TMEM63B: variants seen among roughly 807,000 people sequenced by gnomAD.
The protein encoded by TMEM63B is mechanosensitive cation channel TMEM63B.
TMEM63B carries 23 observed loss-of-function variants against 102.6 expected under a neutral mutation model. The observed-to-expected ratio is 0.22, with a 90% CI of 0.16 to 0.32. The LOEUF (loss-of-function observed/expected upper bound fraction) is 0.32. Ranked by LOEUF, TMEM63B falls within the 10% of genes least tolerant of loss-of-function variation. TMEM63B has a pLI of 1.00. For missense variants in TMEM63B, 628 were observed against 1,095.9 expected, an observed-to-expected ratio of 0.57 and a Z score of 6.03; for synonymous variants, 444 against 437.0, an observed-to-expected ratio of 1.02 and a Z score of -0.20.
intron 20 of TMEM63B, 129 bp from the exon 21 acceptor site, chr6:44,153,547 G>T (rs181739802): frequency 3.7e-6 from 4 of 1,095,344 alleles, no homozygotes; most frequent in Non-Finnish European, 5.1e-6. Context: ...GCACTATCCC[G>T]TCCTGGGGCC....
At chr6:44,153,524 G>T in intron 20 of TMEM63B, 152 bp from the exon 21 acceptor site, 6 of 722,118 alleles carry the variant, frequency 8.3e-6, no homozygotes, top group Middle Eastern at 4.0e-4. Context: ...CTGTGATCAC[G>T]CTGGGGCACG....
intron 4 of TMEM63B, among the ~76,000 whole-genome samples, chr6:44,136,121 C>G (rs1762895034): frequency 6.6e-6 from 1 of 152,242 alleles, no homozygotes; most frequent in Non-Finnish European, 1.5e-5. Flanking sequence ...CAAGTCCCCA[C>G]TGCCCACCAT....
At chr6:44,145,554 T>A (rs1045015508) in intron 10 of TMEM63B, among the ~76,000 whole-genome samples, 7 of 152,144 alleles carry the variant, frequency 4.6e-5, no homozygotes, top group Non-Finnish European at 1.0e-4. Context: ...ATCACACCAC[T>A]GCATTCTAGC....
rs533571594 is a variant in TMEM63B at position 44,150,106 on chromosome 6, C to A, written c.1521-118C>A. The A allele has an allele frequency of 7.5e-6, 10 of 1,328,456 alleles. No homozygotes were observed. In the South Asian group the frequency reaches 1.1e-4, roughly 15 times the overall value. 82.3% of individuals were successfully genotyped at this position (1,328,456 alleles called of 1,614,324 possible). On this transcript the variant is annotated intron_variant, in intron 16 of 23. Coordinates refer to ENST00000323267, the MANE Select transcript of TMEM63B (RefSeq NM_018426.3). This position sits in a 1 kb window ranked among gnomAD's most constrained non-coding sequence, Gnocchi z 4.7. ...GGGAAGGGGTAGTGCCCAGCACCCT[C>A]ACCTTGGGAGGCCCACCCTTCCCAG...
Position 44,152,034 on chromosome 6 carries a change from C to A in TMEM63B, c.1836+26C>A, listed in dbSNP as rs1292319253. 2 of 1,572,568 alleles carry A rather than the reference C, an allele frequency of 1.3e-6. No individual in the cohort carries two copies. Among genetic ancestry groups the A allele is most frequent in the Non-Finnish European group, 1.7e-6 (2 of 1,162,372 alleles). ...GTACGGCCGCCTGGGGCAGCAGCGGCCCGCACAGCGCCCCCTGGTGGCCCA... is the reference window on the plus strand; with the variant it reads ...GTACGGCCGCCTGGGGCAGCAGCGGACCGCACAGCGCCCCCTGGTGGCCCA... On this transcript the variant is annotated intron_variant, in intron 19 of 23. Coordinates refer to ENST00000323267, the MANE Select transcript of TMEM63B (RefSeq NM_018426.3). This position sits in a 1 kb window ranked among gnomAD's most constrained non-coding sequence, Gnocchi z 6.4.
Position 44,148,988 on chromosome 6 carries a change from C to T in TMEM63B, c.1413+43C>T, listed in dbSNP as rs1237343727. The T allele has an allele frequency of 1.2e-6, 2 of 1,613,606 alleles. No homozygotes were observed. Among genetic ancestry groups the T allele is most frequent in the Non-Finnish European group, 1.7e-6 (2 of 1,179,964 alleles). ...TGTCACTTTCCACGCTGGGTCACAA[C>T]ACACAGATACCAGGCCCTGATCCCT... On this transcript the variant is annotated intron_variant, in intron 15 of 23. Transcript: ENST00000323267. This position sits in a 1 kb window ranked among gnomAD's most constrained non-coding sequence, Gnocchi z 5.1.
intron 1 of TMEM63B, among the ~76,000 whole-genome samples, chr6:44,129,204 C>T (rs1297521728): frequency 6.6e-6 from 1 of 151,876 alleles, no homozygotes; most frequent in Non-Finnish European, 1.5e-5. Flanking sequence ...CCCATCGCTA[C>T]TAAAAATACA....
intron 9 of TMEM63B, 26 bp from the exon 10 acceptor site, chr6:44,141,002 G>C: frequency 6.2e-7 from 1 of 1,613,086 alleles, no homozygotes; most frequent in South Asian, 1.1e-5. Flanking sequence ...AGCCTCAGAA[G>C]GCAAACCCAC....
intron 10 of TMEM63B, among the ~76,000 whole-genome samples, chr6:44,146,623 G>A (rs963782309): frequency 1.3e-5 from 2 of 151,956 alleles, no homozygotes; most frequent in African/African-American, 2.4e-5. Context: ...GCTAATTTTT[G>A]TATTTTTAGT....
At chr6:44,153,928 G>A in intron 21 of TMEM63B, 85 bp downstream of exon 21, 1 of 1,573,182 alleles carries the variant, frequency 6.4e-7, no homozygotes. Flanking sequence ...CCGCATGGCT[G>A]GGGGTGGCAG....
chr6:44,134,431 C>G (rs1210234901), intron 1 of TMEM63B, 130 bp from the exon 2 acceptor site: 3 of 924,708 alleles, frequency 3.2e-6, no homozygotes, highest in Non-Finnish European at 4.7e-6. Context: ...CCCTTATCTC[C>G]AGAGGCCAGA....
At position 44,148,773 on chromosome 6, in the gene TMEM63B, C is replaced by T. The variant is rs201588278; in HGVS notation, c.1260-19C>T. 193 of 1,613,950 alleles carry T rather than the reference C, an allele frequency of 1.2e-4. No individual in the cohort carries two copies. Among genetic ancestry groups the T allele is most frequent in the Middle Eastern group, 1.6e-4 (1 of 6,062 alleles). ...TCCTGCCCTTGGTTCCTGGACTGAC[C>T]GGTTCCCCACCTTGCCAGGGAGCAC... is the stretch of plus-strand genomic sequence containing the variant. On this transcript the variant is annotated intron_variant, in intron 14 of 23. Coordinates refer to ENST00000323267, the MANE Select transcript of TMEM63B (RefSeq NM_018426.3). This position sits in a 1 kb window ranked among gnomAD's most constrained non-coding sequence, Gnocchi z 5.1.
intron 15 of TMEM63B, 67 bp from the exon 16 acceptor site, chr6:44,149,792 C>A: frequency 7.7e-7 from 1 of 1,305,426 alleles, no homozygotes; most frequent in Non-Finnish European, 1.1e-6. Context: ...GGGGAGGAGG[C>A]ACATAAGCAA....
At chr6:44,132,605 C>T (rs1762166793) in intron 1 of TMEM63B, among the ~76,000 whole-genome samples, 1 of 152,126 alleles carries the variant, frequency 6.6e-6, no homozygotes, top group Admixed American at 6.5e-5. Flanking sequence ...CCATAGTGCC[C>T]CAGGGTTCTG....
intron 1 of TMEM63B, among the ~76,000 whole-genome samples, chr6:44,131,553 T>C (rs2128220430): frequency 6.6e-6 from 1 of 152,134 alleles, no homozygotes; most frequent in South Asian, 2.1e-4. Context: ...ACCCTGTCTC[T>C]ACTGAAAATA....
Position 44,151,966 on chromosome 6 carries a change from C to T in TMEM63B, c.1794C>T (p.Leu598=), listed in dbSNP as rs564040846. The change falls in exon 19 of 24, where the codon CTC becomes CTT. Residue 598 remains leucine (L), a synonymous_variant. Transcript: ENST00000323267. The stretch of plus-strand genomic sequence containing the variant: ...GCCTGCTCATGTACATGATCCGGCT[C>T]TGCCTGGCGCGCTCGGCCGCCGAGA... The part of the protein sequence containing the change: ...IPGLLMYMIR[L]CLARSAAERR... 2 of 1,612,052 alleles carry T rather than the reference C, an allele frequency of 1.2e-6. No individual in the cohort carries two copies. Among genetic ancestry groups the T allele is most frequent in the African/African-American group, 1.3e-5 (1 of 74,968 alleles).
At chr6:44,139,788 A>G (rs1422719858) in intron 8 of TMEM63B, 29 bp downstream of exon 8, 2 of 1,614,060 alleles carry the variant, frequency 1.2e-6, no homozygotes, top group Non-Finnish European at 1.7e-6. Flanking sequence ...CGGCCAGGCC[A>G]AGGTCTACGA....
intron 10 of TMEM63B, among the ~76,000 whole-genome samples, chr6:44,144,181 A>C (rs9349275): frequency 0.086 from 13,144 of 152,280 alleles, 828 homozygotes; most frequent in East Asian, 0.25. Context: ...TGCTATATAC[A>C]AGCTGTTGGG....
Position 44,141,116 on chromosome 6 carries a change from C to T in TMEM63B, c.782+18C>T, listed in dbSNP as rs982435496. On this transcript the variant is annotated intron_variant, in intron 10 of 23. Transcript: ENST00000323267. ...CATTTTGAGTGAGTAAGCCACGCTT[C>T]CCCCTACCCTCAAGCCCTGCTGCAG... 25 of 1,612,292 alleles carry T rather than the reference C, an allele frequency of 1.6e-5. 1 individual carries two copies. Among genetic ancestry groups the T allele is most frequent in the African/African-American group, 1.3e-4 (10 of 74,862 alleles).
Sources: gnomAD v4.1 joint callset for allele counts (sites outside exome capture counted in the v4.1 genomes callset) on GRCh38, gnomAD v4.1.1 for gene constraint, Gnocchi (gnomAD v3.1) non-coding constraint, MANE v1.5 for transcripts, NCBI Gene and HGNC (gene_info 2026-07-23, HGNC 2026-07-21) for gene names.